The following ASH1L variants were observed in gnomAD, a reference collection of about 807,000 sequenced individuals.
ASH1L encodes histone-lysine N-methyltransferase ASH1L.
In ASH1L, 23 loss-of-function variants were observed where a neutral mutation model predicts 269.0. The observed-to-expected ratio is 0.09, with a 90% confidence interval of 0.06 to 0.12. The LOEUF (loss-of-function observed/expected upper bound fraction) is 0.12, where lower values mean the gene tolerates loss of function less well. Among genes scored for constraint, ASH1L ranks in the 10% least tolerant of loss-of-function variants. The pLI, the probability that ASH1L is intolerant of heterozygous loss-of-function variation, is 1.00. For synonymous variants in ASH1L, 1,187 were observed against 1,253.5 expected (o/e 0.95, Z 1.12); for missense variants, 2,912 against 3,567.8 (o/e 0.82, Z 4.68).
intron 2 of ASH1L, among the ~76,000 whole-genome samples, chr1:155,516,380 A>G (rs928607758): frequency 2.6e-5 from 4 of 152,230 alleles, no homozygotes; most frequent in African/African-American, 7.2e-5. Context: ...ATATTAAAAT[A>G]CTGAATTATC....
At chr1:155,511,530 G>T (rs943144497) in intron 2 of ASH1L, among the ~76,000 whole-genome samples, 5 of 152,138 alleles carry the variant, frequency 3.3e-5, no homozygotes, top group African/African-American at 9.7e-5. Flanking sequence ...ACTGTTTCTT[G>T]TTTGTTTGTT....
chr1:155,342,553 A>G (rs1239132217), intron 24 of ASH1L, among the ~76,000 whole-genome samples: 4 of 152,224 alleles, frequency 2.6e-5, no homozygotes, highest in Non-Finnish European at 5.9e-5. Context: ...AGTCTTTTAG[A>G]CTATTTTGCT....
chr1:155,479,190 A>G lies in ASH1L; in HGVS notation c.3680T>C (p.Phe1227Ser), dbSNP rs1167288754. 1 of 1,614,178 alleles carries G rather than the reference A, an allele frequency of 6.2e-7. No homozygotes were observed. Among genetic ancestry groups the G allele is most frequent in the Admixed American group, 1.7e-5 (1 of 60,014 alleles). The change falls in exon 3 of 28, where the codon TTT becomes TCT. Residue 1227 changes from phenylalanine to serine, a missense_variant. Phe to Ser is a radical substitution (Grantham distance 155). Coordinates refer to ENST00000392403, the MANE Select transcript of ASH1L (RefSeq NM_018489.3). The stretch of plus-strand genomic sequence containing the variant: ...AGGGGGAATCAGAGAAACATGCTCA[A>G]AAGAATGCCTCCTCTTTTTTTGCCC... ...FCGQKKRRHS[F>S]EHVSLIPPET...
intron 2 of ASH1L, among the ~76,000 whole-genome samples, chr1:155,520,571 T>A (rs1668816577): frequency 1.3e-5 from 2 of 151,816 alleles, no homozygotes; most frequent in African/African-American, 4.8e-5. Context: ...CTTTAAAAAC[T>A]GCATAAATAG....
intron 2 of ASH1L, among the ~76,000 whole-genome samples, chr1:155,489,333 G>C (rs1434640279): frequency 6.6e-6 from 1 of 151,954 alleles, no homozygotes; most frequent in Non-Finnish European, 1.5e-5. Context: ...AATTAGCTGG[G>C]TGTGGTGGTG....
chr1:155,553,789 C>G (rs1054015195), intron 1 of ASH1L, among the ~76,000 whole-genome samples: 2 of 151,890 alleles, frequency 1.3e-5, no homozygotes, highest in Non-Finnish European at 2.9e-5. Flanking sequence ...TTAACATGCT[C>G]CTCCTATTAG....
chr1:155,339,883 A>G (rs1034988518), intron 25 of ASH1L, among the ~76,000 whole-genome samples: 22 of 152,158 alleles, frequency 1.4e-4, no homozygotes, highest in Non-Finnish European at 2.2e-4. Flanking sequence ...ACATTGCAGT[A>G]TGTTACGACA....
intron 5 of ASH1L, among the ~76,000 whole-genome samples, chr1:155,426,217 A>G (rs1661142578): frequency 6.6e-6 from 1 of 152,038 alleles, no homozygotes; most frequent in Admixed American, 6.5e-5. Flanking sequence ...GGAGTGTGCC[A>G]TCATGCCCGG....
At chr1:155,556,496 G>A (rs1465396619) in intron 1 of ASH1L, among the ~76,000 whole-genome samples, 1 of 151,938 alleles carries the variant, frequency 6.6e-6, no homozygotes, top group African/African-American at 2.4e-5. Flanking sequence ...CCAGGCTGGA[G>A]TGCAGTGGCG....
At chr1:155,532,912 T>C (rs1309728554) in intron 1 of ASH1L, among the ~76,000 whole-genome samples, 3 of 147,728 alleles carry the variant, frequency 2.0e-5, no homozygotes, top group Non-Finnish European at 3.0e-5. Flanking sequence ...TATATGTATG[T>C]ATGTGTATAT....
intron 3 of ASH1L, among the ~76,000 whole-genome samples, chr1:155,475,700 G>A (rs1289792917): frequency 6.6e-6 from 1 of 152,180 alleles, no homozygotes; most frequent in Admixed American, 6.5e-5. Flanking sequence ...AGTCCTGTAT[G>A]TTTCAGGAAT....
chr1:155,389,444 G>A (rs1311233290), intron 7 of ASH1L, among the ~76,000 whole-genome samples: 4 of 152,044 alleles, frequency 2.6e-5, no homozygotes, highest in African/African-American at 9.7e-5. Context: ...AGGACGAGGT[G>A]GGTGGATCAC....
At chr1:155,367,289 G>C (rs1655520462) in intron 12 of ASH1L, among the ~76,000 whole-genome samples, 1 of 152,150 alleles carries the variant, frequency 6.6e-6, no homozygotes, top group Admixed American at 6.6e-5. Context: ...ACTGCACCTG[G>C]CCTTGTAATG....
intron 6 of ASH1L, chr1:155,396,149 T>C (rs1441187969): frequency 1.3e-5 from 2 of 152,110 alleles, no homozygotes; most frequent in African/African-American, 2.4e-5. Flanking sequence ...ACTCACATTA[T>C]TGGTTTGTTT....
intron 6 of ASH1L, among the ~76,000 whole-genome samples, chr1:155,406,781 T>C (rs577200228): frequency 4.9e-4 from 74 of 152,288 alleles, no homozygotes; most frequent in Non-Finnish European, 8.4e-4. Flanking sequence ...GGCATAACAA[T>C]AGTCACGGTC....
At chr1:155,360,251 G>T in intron 13 of ASH1L, 50 bp downstream of exon 13, 2 of 1,213,654 alleles carry the variant, frequency 1.6e-6, no homozygotes, top group Non-Finnish European at 2.4e-6. Flanking sequence ...TGTTATTACA[G>T]CATTGTAAGG....
At position 155,335,345 on chromosome 1, in the gene ASH1L, T is replaced by A. The variant is rs559164769; in HGVS notation, c.*2315A>T. 25 of 152,818 alleles carry A rather than the reference T, an allele frequency of 1.6e-4. No homozygotes were observed. Among genetic ancestry groups the A allele is most frequent in the South Asian group, 1.0e-3 (5 of 4,836 alleles). The allele number at this position is 152,818 out of a possible 1,614,324, so 9.5% of individuals were successfully genotyped here. On this transcript the variant is annotated 3_prime_UTR_variant, in exon 28 of 28. Transcript: ENST00000392403. ...GCTTTGTATGCAATTACATCCAATG[T>A]TAAAATTGGTAATACATAATTTACA... is the stretch of plus-strand genomic sequence containing the variant.
chr1:155,395,434 T>C (rs1315993854), intron 7 of ASH1L, 25 bp downstream of exon 7: 1 of 1,530,576 alleles, frequency 6.5e-7, no homozygotes, highest in African/African-American at 1.4e-5. Flanking sequence ...TTCTCAGCAA[T>C]ACATTGTGTG....
chr1:155,542,959 C>T (rs992606412), intron 1 of ASH1L, among the ~76,000 whole-genome samples: 2 of 151,936 alleles, frequency 1.3e-5, no homozygotes, highest in African/African-American at 4.8e-5. Context: ...GCGTGAGCCA[C>T]CATGCCTGGC....
Sources: gnomAD v4.1 joint callset for allele counts (sites outside exome capture counted in the v4.1 genomes callset) on GRCh38, gnomAD v4.1.1 for gene constraint, MANE v1.5 for transcripts, NCBI Gene and HGNC (gene_info 2026-07-23, HGNC 2026-07-21) for gene names.